The following GPC6 variants were observed in gnomAD, a reference collection of about 807,000 sequenced individuals.
GPC6 encodes the protein glypican-6.
A neutral mutation model predicts 55.2 loss-of-function variants in GPC6; 14 were observed. The observed-to-expected ratio is 0.25, with a 90% CI of 0.17 to 0.40. The LOEUF (loss-of-function observed/expected upper bound fraction) is 0.40, where lower values mean the gene tolerates loss of function less well. Ranked by LOEUF, GPC6 falls within the 10% of genes least tolerant of loss-of-function variation. GPC6 has a pLI of 1.00. For synonymous variants in GPC6, 278 were observed against 259.6 expected (o/e 1.07, Z -0.68); for missense variants, 641 against 708.5 (o/e 0.90, Z 1.08).
At chr13:94,070,237 C>T (rs769234736) in intron 4 of GPC6, among the ~76,000 whole-genome samples, 5 of 152,094 alleles carry the variant, frequency 3.3e-5, no homozygotes, top group Non-Finnish European at 5.9e-5. Flanking sequence ...TCTTGTGAGA[C>T]TTATTCACTA....
chr13:93,497,062 A>G (rs1041569085), intron 1 of GPC6, among the ~76,000 whole-genome samples: 1 of 152,188 alleles, frequency 6.6e-6, no homozygotes, highest in African/African-American at 2.4e-5. Flanking sequence ...AGATGATGAC[A>G]CTGATGCCCT....
chr13:94,244,266 A>G (rs1891136042), intron 4 of GPC6, among the ~76,000 whole-genome samples: 1 of 152,172 alleles, frequency 6.6e-6, no homozygotes, highest in Non-Finnish European at 1.5e-5. Flanking sequence ...GTAACTCCGC[A>G]AAGCTTAATT....
intron 1 of GPC6, among the ~76,000 whole-genome samples, chr13:93,509,191 C>A (rs1272153600): frequency 6.6e-6 from 1 of 152,108 alleles, no homozygotes; most frequent in African/African-American, 2.4e-5. Flanking sequence ...ATCATGCTAC[C>A]AAGTTCATTG....
At chr13:93,916,768 G>T (rs1877314409) in intron 3 of GPC6, among the ~76,000 whole-genome samples, 1 of 146,358 alleles carries the variant, frequency 6.8e-6, no homozygotes, top group Non-Finnish European at 1.5e-5. Flanking sequence ...TCTTTTGAAG[G>T]ATGATAAAAC....
intron 2 of GPC6, among the ~76,000 whole-genome samples, chr13:93,793,037 C>T (rs1044319074): frequency 1.3e-5 from 2 of 152,082 alleles, no homozygotes; most frequent in African/African-American, 2.4e-5. Flanking sequence ...AGAATAATGC[C>T]GGCGAAATTT....
intron 2 of GPC6, among the ~76,000 whole-genome samples, chr13:93,812,592 C>T (rs1404618815): frequency 6.6e-6 from 1 of 152,118 alleles, no homozygotes; most frequent in South Asian, 2.1e-4. Flanking sequence ...TTTCACTTCT[C>T]TTAATAAAGA....
intron 4 of GPC6, among the ~76,000 whole-genome samples, chr13:94,160,250 G>C (rs183510309): frequency 6.6e-6 from 1 of 152,192 alleles, no homozygotes; most frequent in East Asian, 1.9e-4. Context: ...ATAGCCATGT[G>C]TATACAAGAA....
intron 2 of GPC6, among the ~76,000 whole-genome samples, chr13:93,684,789 A>G (rs1177789228): frequency 2.0e-5 from 3 of 152,216 alleles, no homozygotes; most frequent in Non-Finnish European, 2.9e-5. Context: ...AAAGAAGGAT[A>G]GCATTTAAAA....
intron 1 of GPC6, among the ~76,000 whole-genome samples, chr13:93,253,691 A>G (rs1171633590): frequency 6.6e-6 from 1 of 152,186 alleles, no homozygotes; most frequent in Non-Finnish European, 1.5e-5. Flanking sequence ...TATAGTTAAT[A>G]TGGAGGCTAC....
chr13:93,429,621 C>T (rs1877280417), intron 1 of GPC6, among the ~76,000 whole-genome samples: 1 of 152,028 alleles, frequency 6.6e-6, no homozygotes, highest in African/African-American at 2.4e-5. Flanking sequence ...TGATAGTAGC[C>T]CCTAGGCATT....
At chr13:93,744,916 A>C (rs947842199) in intron 2 of GPC6, among the ~76,000 whole-genome samples, 7 of 151,360 alleles carry the variant, frequency 4.6e-5, no homozygotes, top group Non-Finnish European at 1.0e-4. Flanking sequence ...CAGTGTGGGC[A>C]ACAGAGCAAG....
chr13:93,631,276 T>A (rs553987479), intron 2 of GPC6, among the ~76,000 whole-genome samples: 3 of 152,244 alleles, frequency 2.0e-5, no homozygotes, highest in African/African-American at 7.2e-5. Flanking sequence ...GGCTCCTCCC[T>A]GCTGCAAATG....
intron 1 of GPC6, among the ~76,000 whole-genome samples, chr13:93,228,252 G>T (rs1188974252): frequency 6.6e-6 from 1 of 152,212 alleles, no homozygotes; most frequent in Non-Finnish European, 1.5e-5. Flanking sequence ...TTCACGGGCT[G>T]CCTGTTTCAG....
chr13:94,396,981 C>A (rs1262305094), intron 7 of GPC6, among the ~76,000 whole-genome samples: 3 of 152,142 alleles, frequency 2.0e-5, no homozygotes, highest in African/African-American at 7.2e-5. Flanking sequence ...TACTCCCCAT[C>A]TCCTAGATTT....
At chr13:93,612,497 TA>T (rs1491575258) in intron 2 of GPC6, among the ~76,000 whole-genome samples, 1 of 63,050 alleles carries the variant, frequency 1.6e-5, no homozygotes, top group Admixed American at 1.7e-4. Flanking sequence ...AGACTCCGTC[TA>T]AAACACACAC....
intron 2 of GPC6, among the ~76,000 whole-genome samples, chr13:93,686,516 A>G (rs1050374144): frequency 2.6e-5 from 4 of 152,118 alleles, no homozygotes; most frequent in Non-Finnish European, 5.9e-5. Flanking sequence ...TCATGGGACT[A>G]AAATGTTTTG....
chr13:94,398,257 G>A (rs1233921323), intron 7 of GPC6, among the ~76,000 whole-genome samples: 1 of 150,294 alleles, frequency 6.7e-6, no homozygotes. Flanking sequence ...AAAAAAACTA[G>A]TCTGAGGCTA....
intron 3 of GPC6, chr13:93,830,806 C>T (rs367685498): frequency 1.7e-5 from 7 of 419,902 alleles, no homozygotes; most frequent in African/African-American, 1.4e-4. Context: ...AGCAGAGAAG[C>T]TTTTAGTACC....
At chr13:94,275,913 C>A (rs1892187907) in intron 4 of GPC6, among the ~76,000 whole-genome samples, 1 of 152,086 alleles carries the variant, frequency 6.6e-6, no homozygotes, top group South Asian at 2.1e-4. Context: ...GACAAAGATC[C>A]AAACGTTTGA....
Sources: gnomAD v4.1 joint callset for allele counts (sites outside exome capture counted in the v4.1 genomes callset) on GRCh38, gnomAD v4.1.1 for gene constraint, MANE v1.5 for transcripts, NCBI Gene and HGNC (gene_info 2026-07-23, HGNC 2026-07-21) for gene names.